The following VKORC1L1 variants were observed in gnomAD, a reference collection of about 807,000 sequenced individuals.
VKORC1L1 encodes vitamin K epoxide reductase complex subunit 1-like protein 1.
Under a neutral mutation model 18.9 loss-of-function variants are expected in VKORC1L1, and 2 were observed. That is an observed-to-expected ratio of 0.11 (90% CI 0.04 to 0.33). The LOEUF (loss-of-function observed/expected upper bound fraction) is 0.33. VKORC1L1 is among the 10% of genes least tolerant of loss of function. The pLI is 1.00. For synonymous variants in VKORC1L1, 96 were observed against 100.0 expected, an observed-to-expected ratio of 0.96 and a Z score of 0.24; for missense variants, 123 against 224.1, an observed-to-expected ratio of 0.55 and a Z score of 2.88.
In VKORC1L1 at chr7:65,954,366, T is replaced by A. The variant is rs932221670; in HGVS notation, c.*66T>A. 6.1e-6 allele frequency: 9 copies of A among 1,477,414 alleles called. No homozygotes were observed. In the Admixed American group the frequency reaches 7.3e-5, roughly 12 times the overall value. The allele number at this position is 1,477,414 out of a possible 1,614,324, so 91.5% of individuals were successfully genotyped here. A position where few individuals can be genotyped will look rare whatever the true frequency, so the allele number is the denominator to read the frequency against. On this transcript the variant is annotated 3_prime_UTR_variant, in exon 3 of 3. Transcript: ENST00000360768. ...CATTCAGTTTATTTTGCAGCAGGTT[T>A]TTATTATTATTATTATTATTATTAT...
intron 1 of VKORC1L1, among the ~76,000 whole-genome samples, chr7:65,941,129 T>C (rs1790025715): frequency 6.6e-6 from 1 of 152,194 alleles, no homozygotes. Context: ...TCTTTTCTTT[T>C]AAGACAGGCT....
At chr7:65,933,077 CAAAAAA>C (rs59403784) in intron 1 of VKORC1L1, among the ~76,000 whole-genome samples, 3 of 65,346 alleles carry the variant, frequency 4.6e-5, no homozygotes. Flanking sequence ...GACTTCGTCT[CAAAAAA>C]AAAAAAAAAA....
At chr7:65,887,633 A>G (rs1412784711) in intron 1 of VKORC1L1, among the ~76,000 whole-genome samples, 1 of 152,198 alleles carries the variant, frequency 6.6e-6, no homozygotes, top group African/African-American at 2.4e-5. Flanking sequence ...CAGTCAGCAC[A>G]GCCCTAGTAC....
chr7:65,903,729 G>C (rs914295955), intron 1 of VKORC1L1, among the ~76,000 whole-genome samples: 2 of 147,154 alleles, frequency 1.4e-5, no homozygotes, highest in African/African-American at 5.1e-5. Context: ...CTATAATTGA[G>C]CCACACTGCA....
chr7:65,944,733 A>G (rs544472026), intron 1 of VKORC1L1, among the ~76,000 whole-genome samples: 1 of 152,176 alleles, frequency 6.6e-6, no homozygotes, highest in East Asian at 1.9e-4. Context: ...CCTGGGCAAC[A>G]TGATGAAACC....
chr7:65,912,503 A>C (rs2115579454), intron 1 of VKORC1L1, among the ~76,000 whole-genome samples: 1 of 152,276 alleles, frequency 6.6e-6, no homozygotes, highest in South Asian at 2.1e-4. Flanking sequence ...AGTGAGAATA[A>C]CCTCATGAAG....
At chr7:65,943,482 A>G (rs2115714759) in intron 1 of VKORC1L1, among the ~76,000 whole-genome samples, 1 of 152,338 alleles carries the variant, frequency 6.6e-6, no homozygotes, top group East Asian at 1.9e-4. Context: ...CAAATCTTCC[A>G]CTAAGTTCCT....
Position 65,900,762 on chromosome 7 carries a change from G to A in VKORC1L1, c.194+27197G>A, listed in dbSNP as rs1014442253. On this transcript the variant is annotated intron_variant, in intron 1 of 2. Coordinates refer to ENST00000360768, the MANE Select transcript of VKORC1L1 (RefSeq NM_173517.6). The stretch of plus-strand genomic sequence containing the variant: ...AGAGGTTGCCGTGAGCCAAGATTGC[G>A]CCATTGAACTCCTGCCTGGGTGACA... 1.9e-4 allele frequency among the ~76,000 whole-genome samples: 29 copies of A among 152,204 alleles called. 1 individual carries two copies. The highest frequency in any genetic ancestry group is 4.8e-4 in the African/African-American group (20 of 41,514).
intron 1 of VKORC1L1, among the ~76,000 whole-genome samples, chr7:65,919,389 C>T (rs991232163): frequency 6.6e-6 from 1 of 152,198 alleles, no homozygotes; most frequent in Non-Finnish European, 1.5e-5. Context: ...CTGACATTTC[C>T]ACTTAAAAGG....
chr7:65,897,905 C>G (rs1469944146), intron 1 of VKORC1L1, among the ~76,000 whole-genome samples: 1 of 151,914 alleles, frequency 6.6e-6, no homozygotes, highest in East Asian at 1.9e-4. Context: ...GCAGTTTCAT[C>G]CTAGGCATGT....
chr7:65,869,853 C>T (rs1788704727), upstream of VKORC1L1, among the ~76,000 whole-genome samples: 1 of 151,342 alleles, frequency 6.6e-6, no homozygotes, highest in South Asian at 2.1e-4. Context: ...TGGGGTCTTG[C>T]TATGTTGCCC....
chr7:65,870,239 G>A (rs1367659289), upstream of VKORC1L1, among the ~76,000 whole-genome samples: 3 of 147,272 alleles, frequency 2.0e-5, no homozygotes, highest in Non-Finnish European at 4.5e-5. Context: ...GACCAATATG[G>A]TGAAACCCCA....
At chr7:65,868,852 A>G (rs1027221003), upstream of VKORC1L1, among the ~76,000 whole-genome samples, 1 of 152,158 alleles carries the variant, frequency 6.6e-6, no homozygotes, top group African/African-American at 2.4e-5. Context: ...CCTATTGAGT[A>G]CAATGTTCAC....
intron 1 of VKORC1L1, among the ~76,000 whole-genome samples, chr7:65,929,512 C>T (rs1326354048): frequency 6.6e-6 from 1 of 152,032 alleles, no homozygotes. Flanking sequence ...GTCTTGATTA[C>T]AGTAGCTTTA....
Position 65,957,426 on chromosome 7 carries a change from A to C in VKORC1L1, c.*3126A>C, listed in dbSNP as rs1790314364. ...AGCCCGGGAGACAGAGGTTGCAGTG[A>C]GTCAAGATCATGCCACTGCACTCCA... On this transcript the variant is annotated 3_prime_UTR_variant, in exon 3 of 3. Transcript: ENST00000360768. The C allele has an allele frequency of 6.6e-6, 1 of 151,968 alleles. No individual in the cohort carries two copies. Among genetic ancestry groups the C allele is most frequent in the Non-Finnish European group, 1.5e-5 (1 of 68,130 alleles). 9.4% of individuals were successfully genotyped at this position (151,968 alleles called of 1,614,324 possible).
chr7:65,877,938 G>A (rs980900945), intron 1 of VKORC1L1, among the ~76,000 whole-genome samples: 1 of 152,050 alleles, frequency 6.6e-6, no homozygotes, highest in Non-Finnish European at 1.5e-5. Flanking sequence ...ATATATGCAG[G>A]TTTCGGTCTG....
intron 1 of VKORC1L1, among the ~76,000 whole-genome samples, chr7:65,908,836 C>CA (rs5884577): frequency 0.15 from 15,936 of 104,880 alleles, 1,525 homozygotes; most frequent in Middle Eastern, 0.24. Flanking sequence ...GACTCCATCT[C>CA]AAAAAAAAAA....
At chr7:65,889,310 CT>C (rs1371145466) in intron 1 of VKORC1L1, among the ~76,000 whole-genome samples, 5 of 152,168 alleles carry the variant, frequency 3.3e-5, no homozygotes, top group African/African-American at 1.2e-4. Flanking sequence ...GACATCTCTA[CT>C]TGGATGTCCC....
chr7:65,870,570 G>T (rs1192906313), upstream of VKORC1L1, among the ~76,000 whole-genome samples: 13 of 152,180 alleles, frequency 8.5e-5, no homozygotes, highest in Admixed American at 3.9e-4. Flanking sequence ...ACGTAAAATT[G>T]TGGATATCTA....
Sources: gnomAD v4.1 joint callset for allele counts (sites outside exome capture counted in the v4.1 genomes callset) on GRCh38, gnomAD v4.1.1 for gene constraint, MANE v1.5 for transcripts, NCBI Gene and HGNC (gene_info 2026-07-23, HGNC 2026-07-21) for gene names.